Variants in AUTS2 observed in about 807,000 individuals in gnomAD.
AUTS2 encodes the protein autism susceptibility gene 2 protein.
AUTS2 carries 17 observed loss-of-function variants against 112.4 expected under a neutral mutation model. The ratio of observed to expected loss-of-function variants is 0.15; its 90% CI spans 0.10 to 0.23. The LOEUF is 0.23. AUTS2 is among the 10% of genes least tolerant of loss of function. The pLI, the probability that AUTS2 is intolerant of heterozygous loss-of-function variation, is 1.00. For synonymous variants in AUTS2, 751 were observed against 702.7 expected (o/e 1.07, Z -1.09); for missense variants, 1,510 against 1,701.6 (o/e 0.89, Z 1.98).
intron 1 of AUTS2, among the ~76,000 whole-genome samples, chr7:69,820,056 T>A (rs975267244): frequency 6.6e-6 from 1 of 152,234 alleles, no homozygotes; most frequent in Non-Finnish European, 1.5e-5. Flanking sequence ...TCATGGAGTT[T>A]ATGAGATGTG....
chr7:70,717,078 C>T (rs1211356672), intron 6 of AUTS2, among the ~76,000 whole-genome samples: 1 of 148,554 alleles, frequency 6.7e-6, no homozygotes, highest in Non-Finnish European at 1.5e-5. Flanking sequence ...GTCACCCAGA[C>T]TGTGGTGCAG....
At chr7:70,717,083 G>A (rs1038029293) in intron 6 of AUTS2, among the ~76,000 whole-genome samples, 1 of 150,196 alleles carries the variant, frequency 6.7e-6, no homozygotes, top group Non-Finnish European at 1.5e-5. Flanking sequence ...CCAGACTGTG[G>A]TGCAGTGGCA....
At chr7:70,003,447 A>ATGT (rs1799327183) in intron 2 of AUTS2, among the ~76,000 whole-genome samples, 1 of 91,604 alleles carries the variant, frequency 1.1e-5, no homozygotes, top group Non-Finnish European at 2.1e-5. Flanking sequence ...ATATATGAAT[A>ATGT]TATATAATAT....
In AUTS2 at chr7:70,042,462, T is replaced by G. The variant is rs546817895; in HGVS notation, c.523-75670T>G. Among the ~76,000 whole-genome samples the G allele has an allele frequency of 3.8e-4, 58 of 152,296 alleles. 1 individual carries two copies. Among genetic ancestry groups the G allele is most frequent in the Admixed American group, 3.3e-3 (50 of 15,294 alleles). The stretch of plus-strand genomic sequence containing the variant: ...TTTAGGTTGATGGAAAACTTAGTAA[T>G]ACTGTTTCCAATTTTTTCCTCATTA... On this transcript the variant is annotated intron_variant, in intron 2 of 18. Coordinates refer to ENST00000342771, the MANE Select transcript of AUTS2 (RefSeq NM_015570.4).
In AUTS2 at chr7:70,631,045, C is replaced by T. The variant is rs1349641818; in HGVS notation, c.691-67524C>T. ...CGGCTGGTGTCCCACAGGCTCGGCG[C>T]AGTAAGTTCAGATTATTGCTCAGTC... is the stretch of plus-strand genomic sequence containing the variant. On this transcript the variant is annotated intron_variant, in intron 5 of 18. Coordinates refer to ENST00000342771, the MANE Select transcript of AUTS2 (RefSeq NM_015570.4). The surrounding 1 kb of genome is among the most constrained non-coding windows in gnomAD (Gnocchi z 4.5). 2.6e-5 allele frequency among the ~76,000 whole-genome samples: 4 copies of T among 152,088 alleles called. No individual in the cohort carries two copies. Among genetic ancestry groups the T allele is most frequent in the Non-Finnish European group, 5.9e-5 (4 of 68,014 alleles).
chr7:70,717,417 A>G (rs528156685), intron 6 of AUTS2, among the ~76,000 whole-genome samples: 1 of 152,220 alleles, frequency 6.6e-6, no homozygotes, highest in South Asian at 2.1e-4. Flanking sequence ...TCCTGGCCTC[A>G]GGCGATTAAT....
intron 5 of AUTS2, among the ~76,000 whole-genome samples, chr7:70,479,344 G>A (rs567499329): frequency 6.6e-6 from 1 of 152,264 alleles, no homozygotes; most frequent in East Asian, 1.9e-4. Flanking sequence ...GCTTGATTCT[G>A]AAGTCCAGCA....
At chr7:70,696,992 A>G (rs1222207491) in intron 5 of AUTS2, among the ~76,000 whole-genome samples, 2 of 152,240 alleles carry the variant, frequency 1.3e-5, no homozygotes, top group Non-Finnish European at 2.9e-5. Flanking sequence ...ATGGTAAAAT[A>G]CACATATCTC....
At chr7:70,481,644 T>TGCCTTCTCTGTCGGCCA (rs1797791385) in intron 5 of AUTS2, among the ~76,000 whole-genome samples, 1 of 152,180 alleles carries the variant, frequency 6.6e-6, no homozygotes, top group East Asian at 1.9e-4. Context: ...TAGGTCGGCT[T>TGCCTTCTCTGTCGGCCA]GTCTTCTCTG....
rs1292333281 is a variant in AUTS2, at chr7:70,747,704, TTGAA to T, written c.743-15165_743-15162del. Among the ~76,000 whole-genome samples the T allele has an allele frequency of 1.6e-4, 24 of 152,110 alleles. 1 individual carries two copies. Among genetic ancestry groups the T allele is most frequent in the East Asian group, 7.7e-4 (4 of 5,198 alleles). On this transcript the variant is annotated intron_variant, in intron 6 of 18. Transcript: ENST00000342771. The stretch of plus-strand genomic sequence containing the variant: ...GTTTCGCTGTATTGGCCAGCTGGTC[TTGAA>T]CTCTTGACCTCAGGTGATCCGCCCG...
intron 2 of AUTS2, among the ~76,000 whole-genome samples, chr7:70,087,275 AT>A (rs940795339): frequency 3.3e-4 from 43 of 130,750 alleles, no homozygotes; most frequent in Admixed American, 4.5e-4. Flanking sequence ...TGATTTTCAA[AT>A]TTTTTTTATA....
chr7:70,460,840 C>T (rs1158346608), intron 5 of AUTS2, among the ~76,000 whole-genome samples: 5 of 152,144 alleles, frequency 3.3e-5, no homozygotes, highest in South Asian at 2.1e-4. Flanking sequence ...TGTAAAAATG[C>T]CTGCATGGTG....
chr7:69,700,432 C>T (rs947973330), intron 1 of AUTS2, among the ~76,000 whole-genome samples: 1 of 151,038 alleles, frequency 6.6e-6, no homozygotes, highest in African/African-American at 2.4e-5. Flanking sequence ...CTCATTAGCT[C>T]GTTAATTGGG....
chr7:70,705,321 T>A (rs1809676796), intron 6 of AUTS2, among the ~76,000 whole-genome samples: 1 of 152,186 alleles, frequency 6.6e-6, no homozygotes, highest in Admixed American at 6.5e-5. Context: ...CCAGAAAACT[T>A]CAGTGGAGAA....
intron 6 of AUTS2, among the ~76,000 whole-genome samples, chr7:70,721,360 A>G (rs1312073830): frequency 3.3e-5 from 5 of 150,364 alleles, no homozygotes; most frequent in East Asian, 2.0e-4. Context: ...GTGCAATGGC[A>G]TGATCTCAGC....
At chr7:70,759,784 A>G (rs1308992640) in intron 6 of AUTS2, among the ~76,000 whole-genome samples, 1 of 152,176 alleles carries the variant, frequency 6.6e-6, no homozygotes, top group Non-Finnish European at 1.5e-5. Context: ...TTCAAGAACA[A>G]GGAGGTAAAC....
At chr7:70,192,753 A>C (rs1809969229) in intron 4 of AUTS2, among the ~76,000 whole-genome samples, 1 of 152,202 alleles carries the variant, frequency 6.6e-6, no homozygotes, top group African/African-American at 2.4e-5. Context: ...AGCTAAAGAC[A>C]TGGCATAAAG....
chr7:70,062,795 T>C (rs1181911066), intron 2 of AUTS2, among the ~76,000 whole-genome samples: 1 of 152,210 alleles, frequency 6.6e-6, no homozygotes, highest in Non-Finnish European at 1.5e-5. Context: ...TGTTTTGAAT[T>C]AAGAGGTCAG....
At chr7:70,688,691 G>A (rs1808592920) in intron 5 of AUTS2, among the ~76,000 whole-genome samples, 1 of 152,168 alleles carries the variant, frequency 6.6e-6, no homozygotes, top group African/African-American at 2.4e-5. Context: ...CCAGCGTGGT[G>A]GCGCATGCCC....
Sources: allele counts gnomAD v4.1 joint callset (sites outside exome capture counted in the v4.1 genomes callset), GRCh38; gene constraint gnomAD v4.1.1; non-coding constraint Gnocchi (gnomAD v3.1); transcripts MANE v1.5; gene names NCBI Gene and HGNC (gene_info 2026-07-23, HGNC 2026-07-21).